The following CACNA2D1 variants were observed in gnomAD, a reference collection of about 807,000 sequenced individuals.
CACNA2D1 encodes the protein voltage-dependent calcium channel subunit alpha-2/delta-1.
A neutral mutation model predicts 171.5 loss-of-function variants in CACNA2D1; 53 were observed. That is an observed-to-expected ratio of 0.31 (90% confidence interval 0.25 to 0.39). The LOEUF (loss-of-function observed/expected upper bound fraction) is 0.39. CACNA2D1 is among the 10% of genes least tolerant of loss of function. The pLI, the probability that CACNA2D1 is intolerant of heterozygous loss-of-function variation, is 1.00. For missense variants in CACNA2D1, 903 were observed against 1,299.8 expected (o/e 0.69, Z 4.69); for synonymous variants, 442 against 443.1 (o/e 1.00, Z 0.03).
At chr7:82,031,121 G>A (rs1562895096) in intron 12 of CACNA2D1, among the ~76,000 whole-genome samples, 2 of 151,566 alleles carry the variant, frequency 1.3e-5, no homozygotes, top group African/African-American at 2.4e-5. Context: ...CAATACTGTA[G>A]ATTTTTTTTT....
intron 3 of CACNA2D1, among the ~76,000 whole-genome samples, chr7:82,269,877 T>C (rs942044833): frequency 6.6e-6 from 1 of 152,182 alleles, no homozygotes; most frequent in Non-Finnish European, 1.5e-5. Flanking sequence ...TGAACAATGT[T>C]ACCAACAGTC....
intron 10 of CACNA2D1, among the ~76,000 whole-genome samples, chr7:82,059,541 C>A (rs533884752): frequency 2.6e-5 from 4 of 152,004 alleles, no homozygotes; most frequent in Admixed American, 6.6e-5. Context: ...GGAGTTTCAA[C>A]GGTGTCCGTG....
intron 38 of CACNA2D1, among the ~76,000 whole-genome samples, chr7:81,954,493 C>G (rs1792986607): frequency 6.6e-6 from 1 of 151,992 alleles, no homozygotes; most frequent in East Asian, 1.9e-4. Flanking sequence ...TTTCTTCATA[C>G]AGCATGCGTT....
chr7:81,967,229 A>G lies in CACNA2D1; in HGVS notation c.2464-22T>C, dbSNP rs757014737. 11 of 1,594,348 alleles carry G rather than the reference A, an allele frequency of 6.9e-6. No homozygotes were observed. In the Admixed American group the frequency reaches 1.2e-4, roughly 17 times the overall value. ...CACACTGAAAGACAAAAATGCGATT[A>G]TCACCTCACTTTTAAAAGTTGGATT... On this transcript the variant is annotated intron_variant, in intron 30 of 38. Transcript: ENST00000356860.
chr7:82,078,292 T>C (rs1809261008), intron 7 of CACNA2D1, among the ~76,000 whole-genome samples: 1 of 151,828 alleles, frequency 6.6e-6, no homozygotes, highest in South Asian at 2.1e-4. Flanking sequence ...ACTAATTGTC[T>C]AAAAAAAAGA....
intron 4 of CACNA2D1, among the ~76,000 whole-genome samples, chr7:82,140,502 A>T (rs1394341784): frequency 1.3e-5 from 2 of 152,196 alleles, no homozygotes; most frequent in African/African-American, 4.8e-5. Context: ...TATACAGGGC[A>T]TCAGGAGTTG....
intron 26 of CACNA2D1, chr7:81,971,012 G>A: frequency 2.3e-6 from 1 of 433,362 alleles, no homozygotes; most frequent in East Asian, 4.6e-5. Context: ...ATCACTTGTA[G>A]AGAGGAATGT....
intron 4 of CACNA2D1, among the ~76,000 whole-genome samples, chr7:82,162,458 C>T (rs1332368915): frequency 1.3e-5 from 2 of 151,986 alleles, no homozygotes; most frequent in Non-Finnish European, 2.9e-5. Flanking sequence ...CCACAGAAGG[C>T]ATGAGCTTTA....
chr7:82,123,587 C>T (rs1263294465), intron 5 of CACNA2D1, among the ~76,000 whole-genome samples: 1 of 152,174 alleles, frequency 6.6e-6, no homozygotes, highest in East Asian at 1.9e-4. Context: ...CCCTCTTCTT[C>T]CTCATAGGTG....
chr7:82,297,828 T>G, intron 3 of CACNA2D1, among the ~76,000 whole-genome samples: 1 of 152,172 alleles, frequency 6.6e-6, no homozygotes, highest in East Asian at 1.9e-4. Flanking sequence ...TCTTAATAAA[T>G]AATTATGTAT....
chr7:81,961,956 C>T lies in CACNA2D1; in HGVS notation c.2904G>A (p.Gln968=), dbSNP rs1055682951. The T allele has an allele frequency of 3.1e-6, 5 of 1,611,510 alleles. No homozygotes were observed. The African/African-American group carries it at 6.7e-5, about 22-fold the overall frequency. ...SKQSCITEQT[Q]YFFDNDSKSF... is the part of the protein sequence containing the mutation. ...ATTTACTGTCGTTATCGAAGAAATA[C>T]TGGGTTTGTTCAGTAATGCAGCTCT... Residue 968 remains glutamine (Q), a synonymous_variant, in exon 36 of 39, where the codon CAG becomes CAA. Coordinates refer to ENST00000356860, the MANE Select transcript of CACNA2D1 (RefSeq NM_000722.4).
chr7:82,246,061 C>T (rs1056267827), intron 3 of CACNA2D1, among the ~76,000 whole-genome samples: 1 of 151,738 alleles, frequency 6.6e-6, no homozygotes, highest in African/African-American at 2.4e-5. Context: ...TAATAAATTG[C>T]TAGGTTTTTT....
At chr7:81,980,495 G>A (rs1428246947) in intron 24 of CACNA2D1, among the ~76,000 whole-genome samples, 1 of 152,198 alleles carries the variant, frequency 6.6e-6, no homozygotes, top group Non-Finnish European at 1.5e-5. Flanking sequence ...GGTACACCAG[G>A]ACTTGGTGGA....
intron 3 of CACNA2D1, among the ~76,000 whole-genome samples, chr7:82,253,750 T>C (rs1805951330): frequency 6.6e-6 from 1 of 152,210 alleles, no homozygotes; most frequent in Non-Finnish European, 1.5e-5. Context: ...ATATGGTCTT[T>C]ATTCTCCAGA....
intron 3 of CACNA2D1, among the ~76,000 whole-genome samples, chr7:82,239,894 C>T (rs1296302474): frequency 6.6e-6 from 1 of 152,120 alleles, no homozygotes; most frequent in Non-Finnish European, 1.5e-5. Context: ...GACTCGTTTT[C>T]AGGTTTTCTA....
chr7:81,999,729 C>G (rs1437026358), intron 18 of CACNA2D1, among the ~76,000 whole-genome samples: 1 of 151,772 alleles, frequency 6.6e-6, no homozygotes, highest in Non-Finnish European at 1.5e-5. Context: ...CACATGACTG[C>G]AAAAGTATAA....
rs1410295138 is a variant in CACNA2D1 at position 82,443,391 on chromosome 7, C to G, written c.69G>C (p.Ser23=). ...LFQSLLIGPS[S]EEPFPSAVTI... is the part of the protein sequence containing the mutation. Reference sequence around the variant, plus strand: ...TGACGGCCGAAGGGAACGGCTCCTCCGACGAGGGGCCGATGAGCAAAGATT... The same window carrying G: ...TGACGGCCGAAGGGAACGGCTCCTCGGACGAGGGGCCGATGAGCAAAGATT... The change falls in exon 1 of 39, where the codon TCG becomes TCC. Residue 23 remains serine, a synonymous_variant. Coordinates refer to ENST00000356860, the MANE Select transcript of CACNA2D1 (RefSeq NM_000722.4). 1.9e-6 allele frequency: 3 copies of G among 1,604,866 alleles called. No homozygotes were observed. The highest frequency in any genetic ancestry group is 2.6e-6 in the Non-Finnish European group (3 of 1,175,638).
chr7:82,348,476 A>G (rs1819496279), intron 2 of CACNA2D1, among the ~76,000 whole-genome samples: 1 of 152,150 alleles, frequency 6.6e-6, no homozygotes, highest in Non-Finnish European at 1.5e-5. Context: ...TTACGTGCTC[A>G]ACATAATACA....
intron 6 of CACNA2D1, among the ~76,000 whole-genome samples, chr7:82,103,836 C>A: frequency 6.6e-6 from 1 of 152,006 alleles, no homozygotes; most frequent in East Asian, 1.9e-4. Context: ...TAAGAACTGG[C>A]TTTATTGTGG....
Sources: gnomAD v4.1 joint callset for allele counts (sites outside exome capture counted in the v4.1 genomes callset) on GRCh38, gnomAD v4.1.1 for gene constraint, MANE v1.5 for transcripts, NCBI Gene and HGNC (gene_info 2026-07-23, HGNC 2026-07-21) for gene names.